The following LCORL variants were observed in gnomAD, a reference collection of about 807,000 sequenced individuals.
LCORL encodes the protein ligand-dependent nuclear receptor corepressor-like protein.
A neutral mutation model predicts 141.8 loss-of-function variants in LCORL; 41 were observed. The ratio of observed to expected loss-of-function variants is 0.29; its 90% CI spans 0.23 to 0.38. LCORL has a LOEUF of 0.38. Among genes scored for constraint, LCORL ranks in the 10% least tolerant of loss-of-function variants. LCORL has a pLI of 1.00. For missense variants in LCORL, 1,759 were observed against 2,035.0 expected, an observed-to-expected ratio of 0.86 and a Z score of 2.61; for synonymous variants, 618 against 694.1, an observed-to-expected ratio of 0.89 and a Z score of 1.72.
chr4:17,957,505 T>C (rs1712912295), intron 4 of LCORL, among the ~76,000 whole-genome samples: 1 of 151,834 alleles, frequency 6.6e-6, no homozygotes, highest in African/African-American at 2.4e-5. Context: ...TGTAAAGGGG[T>C]AGGAGACTGG....
At chr4:18,000,738 G>C (rs1721817259) in intron 1 of LCORL, among the ~76,000 whole-genome samples, 1 of 152,172 alleles carries the variant, frequency 6.6e-6, no homozygotes, top group Non-Finnish European at 1.5e-5. Flanking sequence ...TAAAAAGTGA[G>C]AATACTATTC....
At chr4:17,902,975 T>C (rs62410180) in intron 5 of LCORL, among the ~76,000 whole-genome samples, 1,626 of 152,208 alleles carry the variant, frequency 0.011, 14 homozygotes, top group Middle Eastern at 0.02. Context: ...CATGACACAA[T>C]GTTCCACATG....
intron 4 of LCORL, among the ~76,000 whole-genome samples, chr4:17,925,530 T>C (rs982223119): frequency 6.6e-6 from 1 of 152,140 alleles, no homozygotes. Flanking sequence ...ACGTGACCAG[T>C]TGCAGAAATG....
intron 4 of LCORL, among the ~76,000 whole-genome samples, chr4:17,928,392 G>A (rs1028096554): frequency 6.6e-6 from 1 of 152,124 alleles, no homozygotes; most frequent in Non-Finnish European, 1.5e-5. Context: ...CAGCCTGGGT[G>A]ACAAAGCAAG....
At chr4:17,971,890 A>C (rs551266951) in intron 2 of LCORL, among the ~76,000 whole-genome samples, 21 of 151,828 alleles carry the variant, frequency 1.4e-4, no homozygotes, top group African/African-American at 3.6e-4. Flanking sequence ...AAATCTTTTA[A>C]GTTACTACTT....
intron 7 of LCORL, among the ~76,000 whole-genome samples, chr4:17,855,996 C>T (rs1260318893): frequency 4.6e-5 from 7 of 152,170 alleles, no homozygotes; most frequent in African/African-American, 7.2e-5. Flanking sequence ...CTCAATCTTT[C>T]GTTTTCCTCA....
At chr4:17,843,155 G>T in exon 8 of LCORL, 1 of 799,874 alleles carries the variant, frequency 1.3e-6, no homozygotes, top group South Asian at 2.3e-5. Flanking sequence ...TTTTGACATT[G>T]AGATTTTAGT....
intron 6 of LCORL, chr4:17,880,265 C>T (rs945129739): frequency 1.5e-5 from 3 of 193,814 alleles, no homozygotes; most frequent in Non-Finnish European, 2.8e-5. Flanking sequence ...AAACATTCTC[C>T]CCCATATTTC....
chr4:18,010,649 T>C (rs60789938), intron 1 of LCORL, among the ~76,000 whole-genome samples: 1 of 90,652 alleles, frequency 1.1e-5, no homozygotes, highest in African/African-American at 7.3e-5. Context: ...AGGGTTTCTG[T>C]ACATGTTGGC....
At chr4:17,907,775 C>A (rs1731875797) in intron 5 of LCORL, among the ~76,000 whole-genome samples, 1 of 152,158 alleles carries the variant, frequency 6.6e-6, no homozygotes. Flanking sequence ...TGTGGCCCAA[C>A]ACAACTCTTC....
chr4:17,847,937 A>G (rs138927467), intron 7 of LCORL, among the ~76,000 whole-genome samples: 37 of 152,348 alleles, frequency 2.4e-4, no homozygotes, highest in African/African-American at 8.9e-4. Flanking sequence ...AAAAAATAAA[A>G]TGAAGGCATA....
intron 5 of LCORL, among the ~76,000 whole-genome samples, chr4:17,901,493 A>G (rs562858878): frequency 2.6e-5 from 4 of 152,264 alleles, no homozygotes; most frequent in African/African-American, 9.6e-5. Context: ...ATGATAAGCA[A>G]AAGAGATGAT....
chr4:17,967,245 G>A (rs562901573), intron 2 of LCORL, among the ~76,000 whole-genome samples: 5 of 152,248 alleles, frequency 3.3e-5, no homozygotes, highest in Admixed American at 2.6e-4. Flanking sequence ...GTTTGCCACA[G>A]GTTTGGGGAA....
intron 7 of LCORL, among the ~76,000 whole-genome samples, chr4:17,854,762 G>C (rs1724159449): frequency 6.6e-6 from 1 of 151,958 alleles, no homozygotes; most frequent in Admixed American, 6.6e-5. Context: ...TAAAGGCTTT[G>C]GTAGATTAAG....
chr4:17,930,752 T>C (rs558813842), intron 4 of LCORL, among the ~76,000 whole-genome samples: 5 of 152,300 alleles, frequency 3.3e-5, no homozygotes, highest in African/African-American at 1.2e-4. Context: ...GATTAGTCCT[T>C]AGGAAAATGA....
chr4:17,887,112 C>A (rs934761290), intron 5 of LCORL, among the ~76,000 whole-genome samples: 38 of 151,736 alleles, frequency 2.5e-4, no homozygotes, highest in Admixed American at 3.9e-4. Context: ...TGGGCAGATA[C>A]AAAGATGAAA....
chr4:17,914,618 C>A (rs538754215), intron 4 of LCORL, among the ~76,000 whole-genome samples: 2 of 152,286 alleles, frequency 1.3e-5, no homozygotes, highest in South Asian at 4.1e-4. Context: ...CCTCTTAAAT[C>A]ACTTGCACAA....
intron 7 of LCORL, among the ~76,000 whole-genome samples, chr4:17,848,427 G>A (rs983165945): frequency 6.6e-6 from 1 of 152,202 alleles, no homozygotes; most frequent in African/African-American, 2.4e-5. Context: ...ATGGCTCACT[G>A]CAGCCTCCAA....
chr4:17,975,589 T>G (rs891535317), intron 1 of LCORL, among the ~76,000 whole-genome samples: 23 of 152,070 alleles, frequency 1.5e-4, no homozygotes, highest in African/African-American at 4.6e-4. Context: ...AGAGATGAGG[T>G]TTCACCATGT....
Sources: gnomAD v4.1 joint callset for allele counts (sites outside exome capture counted in the v4.1 genomes callset) on GRCh38, gnomAD v4.1.1 for gene constraint, MANE v1.5 for transcripts, NCBI Gene and HGNC (gene_info 2026-07-23, HGNC 2026-07-21) for gene names.